The following FBXL7 variants were observed in gnomAD, a reference collection of about 807,000 sequenced individuals.
FBXL7 encodes the protein F-box and leucine rich repeat protein 7.
Under a neutral mutation model 38.3 loss-of-function variants are expected in FBXL7, and 12 were observed. That is an observed-to-expected ratio of 0.31 (90% CI 0.20 to 0.51). FBXL7 has a LOEUF of 0.51. FBXL7 is among the 20% of genes least tolerant of loss of function. FBXL7 has a pLI of 0.98. For synonymous variants in FBXL7, 297 were observed against 300.9 expected, an observed-to-expected ratio of 0.99 and a Z score of 0.13; for missense variants, 567 against 676.4, an observed-to-expected ratio of 0.84 and a Z score of 1.79.
intron 2 of FBXL7, among the ~76,000 whole-genome samples, chr5:15,692,869 ACTATGGTGAGTGCTGG>A (rs1338494020): frequency 6.6e-6 from 1 of 152,120 alleles, no homozygotes; most frequent in Non-Finnish European, 1.5e-5. Context: ...GAGAGTGGTG[ACTATGGTGAGTGCTGG>A]CTCCTCCTTC....
chr5:15,560,777 C>G (rs1580371489), intron 1 of FBXL7, among the ~76,000 whole-genome samples: 1 of 152,066 alleles, frequency 6.6e-6, no homozygotes, highest in Admixed American at 6.6e-5. Flanking sequence ...TTTCATTGTC[C>G]CCGCTGGGAT....
intron 2 of FBXL7, among the ~76,000 whole-genome samples, chr5:15,882,195 T>C (rs1282190608): frequency 6.6e-6 from 1 of 152,146 alleles, no homozygotes; most frequent in Non-Finnish European, 1.5e-5. Flanking sequence ...GGGATTACAT[T>C]TTAATATGAG....
At chr5:15,642,174 C>A (rs1741388326) in intron 2 of FBXL7, among the ~76,000 whole-genome samples, 1 of 152,080 alleles carries the variant, frequency 6.6e-6, no homozygotes, top group African/African-American at 2.4e-5. Flanking sequence ...TCTAACCCAT[C>A]CTTGATCTGG....
At chr5:15,557,551 C>A (rs1475534863) in intron 1 of FBXL7, among the ~76,000 whole-genome samples, 1 of 152,144 alleles carries the variant, frequency 6.6e-6, no homozygotes. Context: ...TACACTGTTT[C>A]ATAAAAAAGA....
chr5:15,581,905 G>T (rs774457982), intron 1 of FBXL7, among the ~76,000 whole-genome samples: 20 of 152,024 alleles, frequency 1.3e-4, no homozygotes, highest in Non-Finnish European at 2.8e-4. Context: ...GTCTTGCTCT[G>T]ACCATACTCT....
At chr5:15,794,623 G>T (rs979140684) in intron 2 of FBXL7, among the ~76,000 whole-genome samples, 1 of 152,170 alleles carries the variant, frequency 6.6e-6, no homozygotes, top group African/African-American at 2.4e-5. Flanking sequence ...GGTAGTGAAG[G>T]TTTTTTGCTC....
intron 2 of FBXL7, among the ~76,000 whole-genome samples, chr5:15,848,901 G>T (rs2126791751): frequency 6.6e-6 from 1 of 152,276 alleles, no homozygotes; most frequent in East Asian, 1.9e-4. Context: ...CTGTTTAAAA[G>T]GAAACAAAGC....
At chr5:15,869,743 T>TG (rs1739871944) in intron 2 of FBXL7, among the ~76,000 whole-genome samples, 1 of 152,152 alleles carries the variant, frequency 6.6e-6, no homozygotes, top group Non-Finnish European at 1.5e-5. Flanking sequence ...TGAGTAAAAT[T>TG]GGTGTTTTGG....
rs199771551 is a variant in FBXL7, at chr5:15,712,680, TA to T, written c.127+96618del. On this transcript the variant is annotated intron_variant, in intron 2 of 3. Coordinates refer to ENST00000504595, the MANE Select transcript of FBXL7 (RefSeq NM_012304.5). ...ACTGCTAGCTACTGGCAATAAAATT[TA>T]AAAAAAAAAGAAAAGAAAAGGAAGC... is the stretch of plus-strand genomic sequence containing the variant. Among the ~76,000 whole-genome samples, 22 of 147,150 alleles carry T rather than the reference TA, an allele frequency of 1.5e-4. No individual in the cohort carries two copies. In the East Asian group the frequency reaches 2.6e-3, roughly 17 times the overall value.
chr5:15,793,496 C>T (rs1198324248), intron 2 of FBXL7, among the ~76,000 whole-genome samples: 1 of 152,106 alleles, frequency 6.6e-6, no homozygotes, highest in Non-Finnish European at 1.5e-5. Context: ...TCTAGATGAT[C>T]GTATTCCAAG....
chr5:15,857,625 C>T (rs1005599478), intron 2 of FBXL7, among the ~76,000 whole-genome samples: 37 of 152,260 alleles, frequency 2.4e-4, no homozygotes, highest in African/African-American at 8.4e-4. Flanking sequence ...CCGTAGGCAC[C>T]ATCAAACATA....
intron 1 of FBXL7, among the ~76,000 whole-genome samples, chr5:15,567,249 T>A (rs368030944): frequency 2.0e-5 from 3 of 152,074 alleles, no homozygotes; most frequent in Non-Finnish European, 4.4e-5. Context: ...ATGAAGGGAG[T>A]TATTTTAGTA....
intron 2 of FBXL7, among the ~76,000 whole-genome samples, chr5:15,754,752 A>C (rs1736247275): frequency 6.6e-6 from 1 of 152,204 alleles, no homozygotes; most frequent in Non-Finnish European, 1.5e-5. Flanking sequence ...TACATTATTA[A>C]CTAAGAACAG....
chr5:15,650,496 T>C (rs1741672074), intron 2 of FBXL7, among the ~76,000 whole-genome samples: 1 of 152,210 alleles, frequency 6.6e-6, no homozygotes, highest in Non-Finnish European at 1.5e-5. Flanking sequence ...TGTGGCAATT[T>C]CTTAGAATAA....
chr5:15,889,601 A>G (rs1270542743), intron 2 of FBXL7, among the ~76,000 whole-genome samples: 1 of 152,154 alleles, frequency 6.6e-6, no homozygotes, highest in Non-Finnish European at 1.5e-5. Flanking sequence ...ATATTAGAAT[A>G]CCCAAGAGCT....
chr5:15,550,884 T>G (rs1738047487), intron 1 of FBXL7, among the ~76,000 whole-genome samples: 1 of 152,200 alleles, frequency 6.6e-6, no homozygotes, highest in South Asian at 2.1e-4. Flanking sequence ...CTCGCCTTAT[T>G]TCTGACCTCC....
intron 2 of FBXL7, among the ~76,000 whole-genome samples, chr5:15,829,054 T>C (rs1434418754): frequency 6.6e-6 from 1 of 152,216 alleles, no homozygotes; most frequent in Non-Finnish European, 1.5e-5. Flanking sequence ...AGATTCATGA[T>C]CTACTGAAGC....
Position 15,937,175 on chromosome 5 carries a change from G to A in FBXL7, c.1465G>A (p.Ala489Thr), listed in dbSNP as rs1302741176. ...KRCVIEHTNP[A>T]FF ...CTGCGTCATCGAGCACACCAACCCGGCTTTCTTCTGAAGGGACAGAGTTCA... is the reference window on the plus strand; with the variant it reads ...CTGCGTCATCGAGCACACCAACCCGACTTTCTTCTGAAGGGACAGAGTTCA... The change falls in exon 4 of 4, where the codon GCT becomes ACT. Residue 489 changes from alanine to threonine, a missense_variant. Transcript: ENST00000504595. 1.9e-5 allele frequency: 30 copies of A among 1,589,064 alleles called. No individual in the cohort carries two copies. Among genetic ancestry groups the A allele is most frequent in the Non-Finnish European group, 2.6e-5 (30 of 1,165,378 alleles).
intron 2 of FBXL7, among the ~76,000 whole-genome samples, chr5:15,632,109 A>C (rs985141095): frequency 6.6e-6 from 1 of 152,128 alleles, no homozygotes; most frequent in Non-Finnish European, 1.5e-5. Context: ...AGCTAAATAC[A>C]GGTTTCTTTT....
Sources: allele counts gnomAD v4.1 joint callset (sites outside exome capture counted in the v4.1 genomes callset), GRCh38; gene constraint gnomAD v4.1.1; transcripts MANE v1.5; gene names NCBI Gene and HGNC (gene_info 2026-07-23, HGNC 2026-07-21).